Variants in DYSF observed in about 807,000 individuals in gnomAD.
DYSF encodes dystrophy-associated fer-1-like 1.
In DYSF, 212 loss-of-function variants were observed where a neutral mutation model predicts 274.9. That is an observed-to-expected ratio of 0.77 (90% CI 0.69 to 0.86). The LOEUF is 0.86. Ranked by LOEUF, DYSF falls within the 40% of genes least tolerant of loss-of-function variation. The probability of loss-of-function intolerance (pLI) is 0.00; values close to 1 mark genes in which losing one functional copy is unlikely to be tolerated. For synonymous variants in DYSF, 1,091 were observed against 1,078.7 expected (o/e 1.01, Z -0.22); for missense variants, 2,666 against 2,783.2 (o/e 0.96, Z 0.95).
chr2:71,668,990 T>C lies in DYSF; in HGVS notation c.5547-122T>C, dbSNP rs1157783634. The C allele has an allele frequency of 4.6e-6, 6 of 1,291,556 alleles. No individual in the cohort carries two copies. In the East Asian group the frequency reaches 1.0e-4, roughly 22 times the overall value. 80.0% of individuals were successfully genotyped at this position (1,291,556 alleles called of 1,614,324 possible). A position where few individuals can be genotyped will look rare whatever the true frequency, so the allele number is the denominator to read the frequency against. ...CAGTTCTCGTTTGGGCCTGGGCCAG[T>C]GTCCAGCCAGGCAGGCATCGAGTCC... On this transcript the variant is annotated intron_variant, in intron 49 of 55. Coordinates refer to ENST00000410020, the MANE Select transcript of DYSF (RefSeq NM_001130987.2).
Position 71,570,226 on chromosome 2 carries a change from T to C in DYSF, c.2980-3T>C, listed in dbSNP as rs2092340084. The C allele has an allele frequency of 1.9e-6, 3 of 1,613,962 alleles. No individual in the cohort carries two copies. The highest frequency in any genetic ancestry group is 2.5e-6 in the Non-Finnish European group (3 of 1,179,846). ...TTGCTTGCCTGTTCGGTTTTGTCCT[T>C]AGAACGGGGAGAAGGTGCTTCCCAA... On this transcript the variant is annotated splice_region_variant and splice_polypyrimidine_tract_variant and intron_variant, in intron 27 of 55. Coordinates refer to ENST00000410020, the MANE Select transcript of DYSF (RefSeq NM_001130987.2).
intron 40 of DYSF, among the ~76,000 whole-genome samples, chr2:71,617,587 T>C (rs1470090491): frequency 6.6e-6 from 1 of 151,724 alleles, no homozygotes; most frequent in African/African-American, 2.4e-5. Context: ...GGTGTGTGTG[T>C]GTGTGGTAGA....
At chr2:71,475,063 G>T (rs939644554) in intron 1 of DYSF, among the ~76,000 whole-genome samples, 1 of 152,140 alleles carries the variant, frequency 6.6e-6, no homozygotes, top group Admixed American at 6.5e-5. Flanking sequence ...CCTCCCTAAG[G>T]TCACATAGTA....
intron 44 of DYSF, 118 bp from the exon 45 acceptor site, chr2:71,660,442 C>A (rs1209367066): frequency 2.4e-6 from 2 of 849,636 alleles, no homozygotes; most frequent in Admixed American, 1.8e-5. Flanking sequence ...AGGACACAGC[C>A]CACATCTCAA....
intron 34 of DYSF, 120 bp downstream of exon 34, chr2:71,600,962 T>C: frequency 7.2e-7 from 1 of 1,381,810 alleles, no homozygotes; most frequent in Non-Finnish European, 1.0e-6. Flanking sequence ...ACCCATTTTC[T>C]GAACCCTAAG....
chr2:71,479,282 T>G (rs2082681528), intron 1 of DYSF, among the ~76,000 whole-genome samples: 1 of 151,524 alleles, frequency 6.6e-6, no homozygotes, highest in Non-Finnish European at 1.5e-5. Flanking sequence ...AAAGCTTCAT[T>G]AAATGCCTTC....
chr2:71,502,649 G>A (rs938628765), intron 3 of DYSF, among the ~76,000 whole-genome samples: 6 of 152,180 alleles, frequency 3.9e-5, no homozygotes, highest in Admixed American at 2.0e-4. Context: ...CCTCTGGTGC[G>A]TGTGGTATGG....
At chr2:71,683,828 G>A (rs1207590171) in intron 55 of DYSF, among the ~76,000 whole-genome samples, 1 of 152,248 alleles carries the variant, frequency 6.6e-6, no homozygotes, top group Non-Finnish European at 1.5e-5. Context: ...GGAGGAAAGG[G>A]CAAGAGCCCC....
chr2:71,582,253 G>T (rs1457812591), intron 30 of DYSF, among the ~76,000 whole-genome samples: 1 of 151,676 alleles, frequency 6.6e-6, no homozygotes, highest in African/African-American at 2.4e-5. Context: ...GTCAAAAGTA[G>T]TTAGCACTTG....
chr2:71,575,304 G>A (rs185117753), intron 30 of DYSF, among the ~76,000 whole-genome samples: 1,823 of 152,246 alleles, frequency 0.012, 17 homozygotes, highest in Non-Finnish European at 0.019. Context: ...CTCAGGCCTC[G>A]ATGGTGGGCA....
In DYSF at chr2:71,482,265, C is replaced by G. The variant is rs543801947; in HGVS notation, c.239+295C>G. ...CCCCAGGGAGCAGGAAGACTCGCTTCCTGCTGCTCCAGCCCAGAGGCTCCC... is the reference window on the plus strand; with the variant it reads ...CCCCAGGGAGCAGGAAGACTCGCTTGCTGCTGCTCCAGCCCAGAGGCTCCC... On this transcript the variant is annotated intron_variant, in intron 3 of 55. Coordinates refer to ENST00000410020, the MANE Select transcript of DYSF (RefSeq NM_001130987.2). Among the ~76,000 whole-genome samples, 18 of 152,292 alleles carry G rather than the reference C, an allele frequency of 1.2e-4. No individual in the cohort carries two copies. The East Asian group carries it at 3.1e-3, about 26-fold the overall frequency.
chr2:71,592,130 G>T (rs1466982177), intron 32 of DYSF, among the ~76,000 whole-genome samples: 1 of 152,170 alleles, frequency 6.6e-6, no homozygotes, highest in East Asian at 1.9e-4. Context: ...GAGCGGGTTT[G>T]TGAGAGGGGG....
intron 14 of DYSF, 146 bp downstream of exon 14, chr2:71,528,547 C>T: frequency 2.8e-6 from 2 of 713,952 alleles, no homozygotes; most frequent in South Asian, 3.3e-5. Flanking sequence ...CGTGGTGAGA[C>T]ACCCACATAG....
intron 40 of DYSF, among the ~76,000 whole-genome samples, chr2:71,618,455 GTTGTGTGTGTGTGGTAGA>G (rs2093989027): frequency 5.2e-5 from 1 of 19,106 alleles, no homozygotes; most frequent in African/African-American, 2.0e-4. Flanking sequence ...TAGAGGTGGG[GTTGTGTGTGTGTGGTAGA>G]GGTGTGTGTG....
At chr2:71,483,093 T>A (rs943041323) in intron 3 of DYSF, among the ~76,000 whole-genome samples, 2 of 152,094 alleles carry the variant, frequency 1.3e-5, no homozygotes, top group African/African-American at 2.4e-5. Flanking sequence ...AAAAACCCAA[T>A]TGCCACCTTC....
At position 71,563,585 on chromosome 2, in the gene DYSF, G is replaced by A. The variant is rs934070; in HGVS notation, c.2410-473G>A. Among the ~76,000 whole-genome samples, 304 of 152,310 alleles carry A rather than the reference G, an allele frequency of 2.0e-3. 1 individual carries two copies. The highest frequency in any genetic ancestry group is 3.4e-3 in the Non-Finnish European group (230 of 68,034). On this transcript the variant is annotated intron_variant, in intron 23 of 55. Coordinates refer to ENST00000410020, the MANE Select transcript of DYSF (RefSeq NM_001130987.2). ...AGTCCTGCTGCTACGGGAGGAGGGT[G>A]TGTGTCCTCTGGGAAGGGCATACCT...
chr2:71,652,311 T>C (rs750280810), intron 42 of DYSF, among the ~76,000 whole-genome samples: 1 of 152,210 alleles, frequency 6.6e-6, no homozygotes, highest in African/African-American at 2.4e-5. Context: ...AAACGGGTCG[T>C]TCATTTTAGA....
chr2:71,488,502 A>T (rs1189406779), intron 3 of DYSF, among the ~76,000 whole-genome samples: 1 of 152,202 alleles, frequency 6.6e-6, no homozygotes, highest in Non-Finnish European at 1.5e-5. Flanking sequence ...GCCCAGATGC[A>T]ACAAGGAAGC....
chr2:71,462,150 C>T (rs1174701419), upstream of DYSF, among the ~76,000 whole-genome samples: 1 of 152,216 alleles, frequency 6.6e-6, no homozygotes, highest in African/African-American at 2.4e-5. Context: ...AGCCCTGATC[C>T]CACGCCTGCG....
Sources: gnomAD v4.1 joint callset for allele counts (sites outside exome capture counted in the v4.1 genomes callset) on GRCh38, gnomAD v4.1.1 for gene constraint, MANE v1.5 for transcripts, NCBI Gene and HGNC (gene_info 2026-07-23, HGNC 2026-07-21) for gene names.